The following ZNF407 variants were observed in gnomAD, a reference collection of about 807,000 sequenced individuals.
ZNF407 encodes the protein zinc finger protein 407.
Under a neutral mutation model 131.2 loss-of-function variants are expected in ZNF407, and 17 were observed. That is an observed-to-expected ratio of 0.13 (90% confidence interval 0.09 to 0.19). ZNF407 has a LOEUF of 0.19. ZNF407 is among the 10% of genes least tolerant of loss of function. The pLI, the probability that ZNF407 is intolerant of heterozygous loss-of-function variation, is 1.00. For synonymous variants in ZNF407, 1,156 were observed against 1,062.0 expected, an observed-to-expected ratio of 1.09 and a Z score of -1.72; for missense variants, 2,681 against 2,830.6, an observed-to-expected ratio of 0.95 and a Z score of 1.20.
rs1483032532 is a variant in ZNF407, at chr18:74,798,291, A to AT, written c.4877+16797dup. ...TGACACAAAATTGTTGATTTTTTTAATTTTTTTTCTTTATGAGGAAAACAT... is the reference window on the plus strand; with the variant it reads ...TGACACAAAATTGTTGATTTTTTTAATTTTTTTTTCTTTATGAGGAAAACAT... On this transcript the variant is annotated intron_variant, in intron 4 of 8. Transcript: ENST00000299687. Among the ~76,000 whole-genome samples, 8 of 150,158 alleles carry AT rather than the reference A, an allele frequency of 5.3e-5. No individual in the cohort carries two copies. The East Asian group carries it at 1.6e-3, about 29-fold the overall frequency.
rs545991137 is a variant in ZNF407, at chr18:74,877,294, A to C, written c.4975A>C (p.Thr1659Pro). 1 of 1,613,854 alleles carries C rather than the reference A, an allele frequency of 6.2e-7. No homozygotes were observed. The highest frequency in any genetic ancestry group is 1.3e-5 in the African/African-American group (1 of 74,940). The change falls in exon 5 of 9, where the codon ACC (threonine) becomes CCC (proline). Residue 1659 changes from threonine (T) to proline (P), a missense_variant. Thr to Pro is a conservative substitution (Grantham distance 38). Transcript: ENST00000299687. Reference protein sequence around the residue: ...LHTGEKPFKCTWPTCHYSFLT... With the variant: ...LHTGEKPFKCPWPTCHYSFLT... ...CACGGGAGAAAAGCCGTTTAAATGTACCTGGCCCACGTGCCATTACTCATT... is the reference window on the plus strand; with the variant it reads ...CACGGGAGAAAAGCCGTTTAAATGTCCCTGGCCCACGTGCCATTACTCATT...
chr18:74,999,375 A>C (rs1472919635), intron 8 of ZNF407, among the ~76,000 whole-genome samples: 5 of 136,332 alleles, frequency 3.7e-5, no homozygotes, highest in African/African-American at 8.1e-5. Context: ...AAAAAAAAAA[A>C]CAAAGGTAAA....
intron 8 of ZNF407, among the ~76,000 whole-genome samples, chr18:74,934,995 G>A (rs1972023931): frequency 6.6e-6 from 1 of 152,128 alleles, no homozygotes; most frequent in African/African-American, 2.4e-5. Context: ...AGTAGATGCT[G>A]CTCTTGAGTG....
At chr18:75,034,661 A>T (rs964711251) in intron 8 of ZNF407, among the ~76,000 whole-genome samples, 1 of 151,712 alleles carries the variant, frequency 6.6e-6, no homozygotes, top group African/African-American at 2.4e-5. Context: ...GTTTGTGGGT[A>T]CAAGGTCATT....
intron 4 of ZNF407, among the ~76,000 whole-genome samples, chr18:74,876,606 C>G (rs1159108013): frequency 6.6e-6 from 1 of 151,798 alleles, no homozygotes; most frequent in Non-Finnish European, 1.5e-5. Flanking sequence ...TTATTTTTCT[C>G]AAATACTGAT....
At chr18:74,755,579 CTGG>C (rs1968916242) in intron 3 of ZNF407, among the ~76,000 whole-genome samples, 1 of 13,268 alleles carries the variant, frequency 7.5e-5, no homozygotes, top group African/African-American at 2.5e-4. Flanking sequence ...TTCCTCCTTT[CTGG>C]TTTTTTTTTT....
intron 8 of ZNF407, among the ~76,000 whole-genome samples, chr18:74,999,348 TAAAAAAA>T (rs71170334): frequency 7.6e-4 from 46 of 60,482 alleles, no homozygotes; most frequent in East Asian, 1.7e-3. Flanking sequence ...TAGAGTATAA[TAAAAAAA>T]AAAAAAAAAA....
At chr18:74,761,647 G>T (rs561394623) in intron 3 of ZNF407, among the ~76,000 whole-genome samples, 2 of 152,028 alleles carry the variant, frequency 1.3e-5, no homozygotes, top group East Asian at 3.9e-4. Context: ...GAGCTTTTAG[G>T]CCTGTTGCTG....
chr18:74,807,839 C>T (rs72975414), intron 4 of ZNF407, among the ~76,000 whole-genome samples: 8,857 of 152,152 alleles, frequency 0.058, 355 homozygotes, highest in Non-Finnish European at 0.082. Flanking sequence ...GGTATCAGTA[C>T]ATACTCACGG....
chr18:74,946,391 ACT>A (rs770317197), intron 8 of ZNF407, among the ~76,000 whole-genome samples: 93 of 151,910 alleles, frequency 6.1e-4, no homozygotes, highest in Non-Finnish European at 1.2e-3. Context: ...TTTTCGCAGC[ACT>A]CTCTTTGTGC....
chr18:74,929,640 A>G (rs1971958985), intron 8 of ZNF407, among the ~76,000 whole-genome samples: 1 of 152,214 alleles, frequency 6.6e-6, no homozygotes, highest in African/African-American at 2.4e-5. Context: ...GCAGTTTTAG[A>G]TGAGGAAACA....
intron 4 of ZNF407, among the ~76,000 whole-genome samples, chr18:74,836,643 G>A (rs1267887162): frequency 6.6e-6 from 1 of 152,112 alleles, no homozygotes; most frequent in African/African-American, 2.4e-5. Flanking sequence ...ATCTCTTTAG[G>A]TGTTTGATGG....
intron 1 of ZNF407, among the ~76,000 whole-genome samples, chr18:74,613,713 C>T (rs1983163420): frequency 6.6e-6 from 1 of 152,192 alleles, no homozygotes; most frequent in African/African-American, 2.4e-5. Context: ...TTTAGCAAAT[C>T]CAAATTTTAA....
chr18:74,894,341 T>C (rs556660918), intron 7 of ZNF407, among the ~76,000 whole-genome samples: 12 of 152,236 alleles, frequency 7.9e-5, no homozygotes, highest in African/African-American at 2.9e-4. Flanking sequence ...GCAAATTCTT[T>C]AGATTTGTTT....
intron 3 of ZNF407, among the ~76,000 whole-genome samples, chr18:74,699,793 TTAAG>T (rs1397556711): frequency 6.6e-6 from 1 of 152,218 alleles, no homozygotes; most frequent in African/African-American, 2.4e-5. Context: ...AAATCATACT[TTAAG>T]TAATAGGTCC....
rs1357187549 is a variant in ZNF407 at position 74,676,329 on chromosome 18, C to T, written c.4802+35207C>T. Among the ~76,000 whole-genome samples, 7 of 152,172 alleles carry T rather than the reference C, an allele frequency of 4.6e-5. No homozygotes were observed. In the South Asian group the frequency reaches 8.3e-4, roughly 18 times the overall value. On this transcript the variant is annotated intron_variant, in intron 3 of 8. Transcript: ENST00000299687. ...CTGGTCTCAAACTCCTGAGCTCAGGCAATCCGCCTGCCTTCTCCTTCCAAA... is the reference window on the plus strand; with the variant it reads ...CTGGTCTCAAACTCCTGAGCTCAGGTAATCCGCCTGCCTTCTCCTTCCAAA...
chr18:74,669,624 G>A (rs1230685503), intron 3 of ZNF407, among the ~76,000 whole-genome samples: 2 of 152,206 alleles, frequency 1.3e-5, no homozygotes, highest in African/African-American at 4.8e-5. Context: ...TGGTGCCTCA[G>A]TGTTTCTGTG....
chr18:74,890,255 G>A (rs1048450784), intron 7 of ZNF407, among the ~76,000 whole-genome samples: 3 of 152,138 alleles, frequency 2.0e-5, no homozygotes, highest in Admixed American at 6.5e-5. Context: ...GAAATGAGTC[G>A]TGTATCCCCT....
At chr18:74,674,494 T>C (rs1986277196) in intron 3 of ZNF407, among the ~76,000 whole-genome samples, 1 of 152,236 alleles carries the variant, frequency 6.6e-6, no homozygotes, top group Non-Finnish European at 1.5e-5. Flanking sequence ...TTTGCCCACT[T>C]TGTCCTTAAA....
Sources: gnomAD v4.1 joint callset for allele counts (sites outside exome capture counted in the v4.1 genomes callset) on GRCh38, gnomAD v4.1.1 for gene constraint, MANE v1.5 for transcripts, NCBI Gene and HGNC (gene_info 2026-07-23, HGNC 2026-07-21) for gene names.